Variants in STAT5A observed in about 807,000 individuals in gnomAD.
STAT5A encodes the protein signal transducer and activator of transcription 5A.
A neutral mutation model predicts 100.2 loss-of-function variants in STAT5A; 26 were observed. That is an observed-to-expected ratio of 0.26 (90% CI 0.19 to 0.36). The LOEUF (loss-of-function observed/expected upper bound fraction) is 0.36, where lower values mean the gene tolerates loss of function less well. Among genes scored for constraint, STAT5A ranks in the 10% least tolerant of loss-of-function variants. The pLI is 1.00. For missense variants in STAT5A, 634 were observed against 1,027.5 expected, an observed-to-expected ratio of 0.62 and a Z score of 5.24; for synonymous variants, 330 against 424.3, an observed-to-expected ratio of 0.78 and a Z score of 2.73.
At chr17:42,290,202 C>A in intron 3 of STAT5A, 180 bp downstream of exon 3, 2 of 928,080 alleles carry the variant, frequency 2.2e-6, no homozygotes, top group Non-Finnish European at 3.0e-6. Context: ...ATTTCTTTAG[C>A]ATATTGCAAA....
chr17:42,301,667 C>CT (rs1351373617), intron 9 of STAT5A, among the ~76,000 whole-genome samples: 1 of 152,202 alleles, frequency 6.6e-6, no homozygotes, highest in Non-Finnish European at 1.5e-5. Context: ...AGTATCCGTT[C>CT]TTTACCCTGG....
chr17:42,308,415 G>A lies in STAT5A; in HGVS notation c.2062+82G>A. 1 of 1,597,180 alleles carries A rather than the reference G, an allele frequency of 6.3e-7. No individual in the cohort carries two copies. Among genetic ancestry groups the A allele is most frequent in the Non-Finnish European group, 8.5e-7 (1 of 1,170,582 alleles). Reference sequence around the variant, plus strand: ...TAGACAAAGCCTTGGGCTGCGCCGTGGGGACTTCCCCAGGAGGAGCCTAGG... The same window carrying A: ...TAGACAAAGCCTTGGGCTGCGCCGTAGGGACTTCCCCAGGAGGAGCCTAGG... On this transcript the variant is annotated intron_variant, in intron 16 of 18. Transcript: ENST00000590949. This position sits in a 1 kb window ranked among gnomAD's most constrained non-coding sequence, Gnocchi z 4.6.
chr17:42,307,571 G>T, intron 14 of STAT5A, 22 bp from the exon 15 acceptor site: 1 of 1,614,064 alleles, frequency 6.2e-7, no homozygotes, highest in Non-Finnish European at 8.5e-7. Flanking sequence ...CAGTGGTGAC[G>T]CTCAATGCTC....
chr17:42,307,650 C>G lies in STAT5A; in HGVS notation c.1833C>G (p.Pro611=), dbSNP rs185687915. The change falls in exon 15 of 19, where the codon CCC becomes CCG. Residue 611 remains proline, a synonymous_variant. Coordinates refer to ENST00000590949, the MANE Select transcript of STAT5A (RefSeq NM_001288718.2). ...CCCACGACCTGCTCATCAACAAGCCCGACGGGACCTTCTTGTTGCGCTTTA... is the reference window on the plus strand; with the variant it reads ...CCCACGACCTGCTCATCAACAAGCCGGACGGGACCTTCTTGTTGCGCTTTA... ...QQAHDLLINK[P]DGTFLLRFSD... is the part of the protein sequence containing the mutation. 1.9e-6 allele frequency: 3 copies of G among 1,614,056 alleles called. No homozygotes were observed. The highest frequency in any genetic ancestry group is 3.3e-5 in the Admixed American group (2 of 60,006).
chr17:42,293,798 C>G (rs888767222), intron 4 of STAT5A, among the ~76,000 whole-genome samples: 6 of 152,198 alleles, frequency 3.9e-5, no homozygotes, highest in African/African-American at 7.2e-5. Context: ...GATGAATTTT[C>G]TAATGAAAAG....
At chr17:42,310,175 C>T (rs2081066652) in intron 18 of STAT5A, among the ~76,000 whole-genome samples, 1 of 152,252 alleles carries the variant, frequency 6.6e-6, no homozygotes. Context: ...GCTCAGTGAA[C>T]GGGGCGGTGC....
chr17:42,305,760 T>A, intron 12 of STAT5A, 58 bp downstream of exon 12: 1 of 1,559,646 alleles, frequency 6.4e-7, no homozygotes, highest in South Asian at 1.1e-5. Flanking sequence ...TCACCTGGGG[T>A]CAGCCCCACC....
At chr17:42,291,640 C>T (rs924475366) in intron 3 of STAT5A, among the ~76,000 whole-genome samples, 4 of 151,582 alleles carry the variant, frequency 2.6e-5, no homozygotes, top group Non-Finnish European at 5.9e-5. Flanking sequence ...CGCTTGAACC[C>T]GGGAGGTGGA....
In STAT5A at chr17:42,311,392, T is replaced by C. The variant is rs1057935; in HGVS notation, c.*723T>C. The C allele has an allele frequency of 6.6e-6, 1 of 152,386 alleles. No individual in the cohort carries two copies. Among genetic ancestry groups the C allele is most frequent in the African/African-American group, 2.4e-5 (1 of 41,438 alleles). The allele number at this position is 152,386 out of a possible 1,614,324, so 9.4% of individuals were successfully genotyped here. ...TGGCCTTGGGCTTCATTCAAGTCTA[T>C]GATGCTGTTGCCCACGTTTCCCGGG... On this transcript the variant is annotated 3_prime_UTR_variant, in exon 19 of 19. Transcript: ENST00000590949.
intron 2 of STAT5A, 57 bp from the exon 3 acceptor site, chr17:42,289,809 G>T: frequency 6.9e-7 from 1 of 1,455,864 alleles, no homozygotes; most frequent in South Asian, 1.5e-5. Context: ...CCAGCTCCCT[G>T]ACCTCCTTGC....
intron 9 of STAT5A, 43 bp downstream of exon 9, chr17:42,301,497 G>A (rs745659050): frequency 1.9e-6 from 3 of 1,610,936 alleles, no homozygotes; most frequent in Admixed American, 1.7e-5. Context: ...TTAGGTGTGG[G>A]GGACCTGCAC....
chr17:42,304,749 C>A lies in STAT5A; in HGVS notation c.1380+97C>A. ...CCTGGCAGCAATGCCATCGGACAGC[C>A]TGCTTTGACTCTGTGGGTCCCTGTT... On this transcript the variant is annotated intron_variant, in intron 11 of 18. Coordinates refer to ENST00000590949, the MANE Select transcript of STAT5A (RefSeq NM_001288718.2). The surrounding 1 kb of genome is among the most constrained non-coding windows in gnomAD (Gnocchi z 4.8). 1 of 1,556,960 alleles carries A rather than the reference C, an allele frequency of 6.4e-7. No individual in the cohort carries two copies. Among genetic ancestry groups the A allele is most frequent in the South Asian group, 1.2e-5 (1 of 81,922 alleles).
Position 42,311,537 on chromosome 17 carries a change from C to T in STAT5A, c.*868C>T, listed in dbSNP as rs1380481483. 1 of 152,446 alleles carries T rather than the reference C, an allele frequency of 6.6e-6. No individual in the cohort carries two copies. The highest frequency in any genetic ancestry group is 1.5e-5 in the Non-Finnish European group (1 of 68,224). 9.4% of individuals were successfully genotyped at this position (152,446 alleles called of 1,614,324 possible). On this transcript the variant is annotated 3_prime_UTR_variant, in exon 19 of 19. Coordinates refer to ENST00000590949, the MANE Select transcript of STAT5A (RefSeq NM_001288718.2). ...AGGATATGGTGGGTGGACAGGGGCC[C>T]CGGGACTTGGAGGGTTGGTCCTCTT...
chr17:42,296,814 AAT>A (rs1343488639), intron 5 of STAT5A, among the ~76,000 whole-genome samples: 2 of 151,608 alleles, frequency 1.3e-5, no homozygotes, highest in African/African-American at 4.9e-5. Flanking sequence ...ATTTTTTTAG[AAT>A]TCTATTGTAG....
rs1161946659 is a variant in STAT5A, at chr17:42,308,080, A to G, written c.1907-98A>G. 2.6e-6 allele frequency: 4 copies of G among 1,520,286 alleles called. No individual in the cohort carries two copies. The highest frequency in any genetic ancestry group is 3.6e-6 in the Non-Finnish European group (4 of 1,121,056). 94.2% of individuals were successfully genotyped at this position (1,520,286 alleles called of 1,614,324 possible). A position where few individuals can be genotyped will look rare whatever the true frequency, so the allele number is the denominator to read the frequency against. ...GGGGCTGCAGCGCAAGCTACTATAT[A>G]AAAGCCCAGATTTCTCTTGCAAGCC... On this transcript the variant is annotated intron_variant, in intron 15 of 18. Transcript: ENST00000590949. The surrounding 1 kb of genome is among the most constrained non-coding windows in gnomAD (Gnocchi z 4.6).
intron 9 of STAT5A, among the ~76,000 whole-genome samples, chr17:42,302,005 A>G (rs771850137): frequency 5.3e-5 from 8 of 152,196 alleles, no homozygotes; most frequent in Non-Finnish European, 1.0e-4. Flanking sequence ...CGCTACAAAA[A>G]GTTTTAAAAT....
At position 42,289,511 on chromosome 17, in the gene STAT5A, T is replaced by C. The variant is rs776231100; in HGVS notation, c.100T>C (p.Leu34=). 1.2e-6 allele frequency: 2 copies of C among 1,613,212 alleles called. No homozygotes were observed. Reference sequence around the variant, plus strand: ...CTTCCCCATCGAGGTCCGGCACTACTTGGCCCAGTGGATTGAGAGCCAGCC... The same window carrying C: ...CTTCCCCATCGAGGTCCGGCACTACCTGGCCCAGTGGATTGAGAGCCAGCC... The part of the protein sequence containing the change: ...QHFPIEVRHY[L]AQWIESQPWD... The change falls in exon 2 of 19, where the codon TTG becomes CTG. Residue 34 remains leucine, a synonymous_variant. Coordinates refer to ENST00000590949, the MANE Select transcript of STAT5A (RefSeq NM_001288718.2).
chr17:42,309,435 C>A lies in STAT5A; in HGVS notation c.2173C>A (p.Pro725Thr). 1 of 1,613,822 alleles carries A rather than the reference C, an allele frequency of 6.2e-7. No homozygotes were observed. Among genetic ancestry groups the A allele is most frequent in the Non-Finnish European group, 8.5e-7 (1 of 1,179,988 alleles). The change falls in exon 18 of 19, where the codon CCC becomes ACC. Residue 725 changes from proline to threonine, a missense_variant. Physicochemically the swap from Pro to Thr is conservative, Grantham distance 38. Transcript: ENST00000590949. Reference protein sequence around the residue: ...GSSATYMDQAPSPAVCPQAPY... With the variant: ...GSSATYMDQATSPAVCPQAPY... ...CAGCGCCACGTACATGGACCAGGCC[C>A]CCTCCCCAGCTGTGTGCCCCCAGGC...
At position 42,308,067 on chromosome 17, in the gene STAT5A, C is replaced by A; in HGVS notation, c.1907-111C>A. Reference sequence around the variant, plus strand: ...TTCCCTACAGGCTGGGGCTGCAGCGCAAGCTACTATATAAAAGCCCAGATT... The same window carrying A: ...TTCCCTACAGGCTGGGGCTGCAGCGAAAGCTACTATATAAAAGCCCAGATT... On this transcript the variant is annotated intron_variant, in intron 15 of 18. Transcript: ENST00000590949. The surrounding 1 kb of genome is among the most constrained non-coding windows in gnomAD (Gnocchi z 4.6). 1 of 1,444,404 alleles carries A rather than the reference C, an allele frequency of 6.9e-7. No individual in the cohort carries two copies. The highest frequency in any genetic ancestry group is 9.4e-7 in the Non-Finnish European group (1 of 1,065,012). 89.5% of individuals were successfully genotyped at this position (1,444,404 alleles called of 1,614,324 possible). A position where few individuals can be genotyped will look rare whatever the true frequency, so the allele number is the denominator to read the frequency against.
Sources: gnomAD v4.1 joint callset for allele counts (sites outside exome capture counted in the v4.1 genomes callset) on GRCh38, gnomAD v4.1.1 for gene constraint, Gnocchi (gnomAD v3.1) non-coding constraint, MANE v1.5 for transcripts, NCBI Gene and HGNC (gene_info 2026-07-23, HGNC 2026-07-21) for gene names.